Variants in MGMT observed in about 807,000 individuals in gnomAD.
MGMT encodes O-6-methylguanine-DNA methyltransferase, also known as methylated-DNA--protein-cysteine methyltransferase.
MGMT carries 14 observed loss-of-function variants against 15.9 expected under a neutral mutation model. The observed-to-expected ratio is 0.88, with a 90% CI of 0.58 to 1.37. The LOEUF (loss-of-function observed/expected upper bound fraction) is 1.37, where lower values mean the gene tolerates loss of function less well. MGMT is among the 40% of genes most tolerant of loss of function. The probability of loss-of-function intolerance (pLI) is 0.00; values close to 1 mark genes in which losing one functional copy is unlikely to be tolerated. For missense variants in MGMT, 282 were observed against 268.1 expected (o/e 1.05, Z -0.36); for synonymous variants, 130 against 118.2 (o/e 1.10, Z -0.65).
chr10:129,646,755 T>TATA (rs375027874), intron 2 of MGMT, among the ~76,000 whole-genome samples: 5 of 78,482 alleles, frequency 6.4e-5, no homozygotes, highest in Non-Finnish European at 1.1e-4. Flanking sequence ...TATATATATA[T>TATA]TTTCAGGGAA....
intron 1 of MGMT, among the ~76,000 whole-genome samples, chr10:129,486,676 T>C (rs1432559145): frequency 6.6e-6 from 1 of 152,170 alleles, no homozygotes; most frequent in African/African-American, 2.4e-5. Context: ...AGAAGGACTG[T>C]TCAAACTTTA....
intron 1 of MGMT, among the ~76,000 whole-genome samples, chr10:129,494,132 T>C (rs879501883): frequency 3.9e-5 from 6 of 152,242 alleles, no homozygotes; most frequent in East Asian, 1.9e-4. Context: ...ATATAGTGTT[T>C]TGAGAAGTCA....
At chr10:129,586,040 G>A (rs775214139) in intron 2 of MGMT, among the ~76,000 whole-genome samples, 6 of 152,082 alleles carry the variant, frequency 3.9e-5, no homozygotes, top group South Asian at 2.1e-4. Flanking sequence ...GGGATGCACC[G>A]GACAGAGGGA....
At chr10:129,653,148 T>C (rs904121959) in intron 2 of MGMT, among the ~76,000 whole-genome samples, 3 of 152,232 alleles carry the variant, frequency 2.0e-5, no homozygotes, top group Non-Finnish European at 2.9e-5. Flanking sequence ...TCTTTATTTC[T>C]AGACACCCTT....
At chr10:129,600,037 T>C (rs1352503618) in intron 2 of MGMT, among the ~76,000 whole-genome samples, 2 of 152,268 alleles carry the variant, frequency 1.3e-5, no homozygotes, top group East Asian at 3.9e-4. Flanking sequence ...GGTCATTTCT[T>C]TTTGAAGGAT....
intron 1 of MGMT, among the ~76,000 whole-genome samples, chr10:129,505,052 G>A (rs1029827126): frequency 1.8e-4 from 27 of 152,160 alleles, no homozygotes; most frequent in African/African-American, 5.6e-4. Flanking sequence ...AAATTGCAGC[G>A]TGTGTTTCCC....
intron 2 of MGMT, among the ~76,000 whole-genome samples, chr10:129,623,912 C>T (rs1847117345): frequency 1.3e-5 from 2 of 152,242 alleles, no homozygotes; most frequent in Non-Finnish European, 1.5e-5. Flanking sequence ...ACAACTTGAA[C>T]GCATGCCATT....
At chr10:129,745,615 G>A (rs537078013) in intron 3 of MGMT, among the ~76,000 whole-genome samples, 1 of 152,180 alleles carries the variant, frequency 6.6e-6, no homozygotes, top group South Asian at 2.1e-4. Context: ...CTACCGTGTG[G>A]GTATATCTCC....
At chr10:129,722,426 G>A (rs959960881) in intron 3 of MGMT, among the ~76,000 whole-genome samples, 18 of 151,978 alleles carry the variant, frequency 1.2e-4, no homozygotes, top group Admixed American at 3.9e-4. Context: ...AAGAGGCGGT[G>A]TTACGGAGAG....
intron 2 of MGMT, among the ~76,000 whole-genome samples, chr10:129,608,143 A>G (rs545290206): frequency 6.6e-6 from 1 of 152,378 alleles, no homozygotes; most frequent in Admixed American, 6.5e-5. Flanking sequence ...TATAATAGAA[A>G]AAAAACGGGG....
Position 129,578,995 on chromosome 10 carries a change from C to T in MGMT, c.125+42618C>T, listed in dbSNP as rs544704830. Among the ~76,000 whole-genome samples, 16 of 152,322 alleles carry T rather than the reference C, an allele frequency of 1.1e-4. No individual in the cohort carries two copies. In the East Asian group the frequency reaches 2.3e-3, roughly 22 times the overall value. On this transcript the variant is annotated intron_variant, in intron 2 of 4. Coordinates refer to ENST00000651593, the MANE Select transcript of MGMT (RefSeq NM_002412.5). The stretch of plus-strand genomic sequence containing the variant: ...GCACTGCCTCATTTAAGCCTGCCGT[C>T]GCCTTAATGTACTGTGTACATTAGA...
intron 1 of MGMT, among the ~76,000 whole-genome samples, chr10:129,534,078 C>G (rs1376114617): frequency 6.6e-6 from 1 of 152,088 alleles, no homozygotes; most frequent in African/African-American, 2.4e-5. Context: ...AAACTCGTGC[C>G]GACGTTGTGA....
chr10:129,472,690 A>T (rs966340399), intron 1 of MGMT, among the ~76,000 whole-genome samples: 1 of 152,182 alleles, frequency 6.6e-6, no homozygotes, highest in Non-Finnish European at 1.5e-5. Flanking sequence ...GACAGTTCCC[A>T]TCCAGAAGGA....
At chr10:129,473,811 G>A (rs557037655) in intron 1 of MGMT, among the ~76,000 whole-genome samples, 161 of 152,328 alleles carry the variant, frequency 1.1e-3, no homozygotes, top group Non-Finnish European at 1.9e-3. Flanking sequence ...AGGACTTGGG[G>A]ATGGCAAAGC....
intron 1 of MGMT, among the ~76,000 whole-genome samples, chr10:129,510,815 C>T (rs921316222): frequency 4.6e-5 from 7 of 151,210 alleles, no homozygotes; most frequent in African/African-American, 7.3e-5. Flanking sequence ...GATGGGAACC[C>T]GGTATACTAG....
intron 2 of MGMT, among the ~76,000 whole-genome samples, chr10:129,583,796 T>C (rs1846585734): frequency 6.6e-6 from 1 of 152,220 alleles, no homozygotes; most frequent in African/African-American, 2.4e-5. Context: ...GGAAACACCA[T>C]TGCATCTGAC....
chr10:129,519,086 G>A (rs954992573), intron 1 of MGMT, among the ~76,000 whole-genome samples: 1 of 152,082 alleles, frequency 6.6e-6, no homozygotes, highest in Non-Finnish European at 1.5e-5. Flanking sequence ...GTAAGCCCTG[G>A]ACTACTATAA....
chr10:129,595,049 T>C (rs372992895), intron 2 of MGMT, among the ~76,000 whole-genome samples: 57 of 152,352 alleles, frequency 3.7e-4, no homozygotes, highest in African/African-American at 1.4e-3. Flanking sequence ...AGGCTTTCCC[T>C]GTATCCTCAG....
chr10:129,770,614 T>C lies in MGMT; in HGVS notation c.*3617T>C, dbSNP rs149764797. Reference sequence around the variant, plus strand: ...CACTGAGCTAATGTGAGATTGTTCATGAAGCTACAGATCTTAGTGCTACTT... The same window carrying C: ...CACTGAGCTAATGTGAGATTGTTCACGAAGCTACAGATCTTAGTGCTACTT... On this transcript the variant is annotated 3_prime_UTR_variant, in exon 5 of 5. Transcript: ENST00000651593. Among the ~76,000 whole-genome samples the C allele has an allele frequency of 6.6e-6, 1 of 152,266 alleles. No individual in the cohort carries two copies. Among genetic ancestry groups the C allele is most frequent in the African/African-American group, 2.4e-5 (1 of 41,474 alleles).
Sources: gnomAD v4.1 joint callset for allele counts (sites outside exome capture counted in the v4.1 genomes callset) on GRCh38, gnomAD v4.1.1 for gene constraint, MANE v1.5 for transcripts, NCBI Gene and HGNC (gene_info 2026-07-23, HGNC 2026-07-21) for gene names.